Variants in DOCK8 observed in about 807,000 individuals in gnomAD.
DOCK8 encodes dedicator of cytokinesis protein 8.
In DOCK8, 141 loss-of-function variants were observed where a neutral mutation model predicts 245.6. The ratio of observed to expected loss-of-function variants is 0.57; its 90% CI spans 0.50 to 0.66. The LOEUF (loss-of-function observed/expected upper bound fraction) is 0.66. Ranked by LOEUF, DOCK8 falls within the 30% of genes least tolerant of loss-of-function variation. The probability of loss-of-function intolerance (pLI) is 0.00; values close to 1 mark genes in which losing one functional copy is unlikely to be tolerated. For synonymous variants in DOCK8, 1,168 were observed against 970.2 expected (o/e 1.20, Z -3.79); for missense variants, 2,965 against 2,603.4 (o/e 1.14, Z -3.02).
At chr9:387,422 G>A (rs1193107775) in intron 23 of DOCK8, among the ~76,000 whole-genome samples, 9 of 144,064 alleles carry the variant, frequency 6.2e-5, no homozygotes, top group East Asian at 2.0e-4. Context: ...CAGCCTGGGC[G>A]ACAGAATGAG....
chr9:428,299 A>G (rs1442123881), intron 34 of DOCK8, 63 bp from the exon 35 acceptor site: 13 of 1,612,340 alleles, frequency 8.1e-6, no homozygotes, highest in East Asian at 4.5e-5. Flanking sequence ...GCTAATTGTC[A>G]GGAACATCCA....
intron 43 of DOCK8, among the ~76,000 whole-genome samples, chr9:445,656 G>A (rs10974493): frequency 0.094 from 14,376 of 152,152 alleles, 914 homozygotes; most frequent in African/African-American, 0.18. Context: ...CTTCCTTTCC[G>A]TTGCTGAGTA....
chr9:448,866 A>C (rs986061484), intron 44 of DOCK8, among the ~76,000 whole-genome samples: 26 of 152,364 alleles, frequency 1.7e-4, no homozygotes, highest in South Asian at 1.4e-3. Flanking sequence ...TTCAACCTAT[A>C]AAATTCAGAA....
At chr9:214,717 T>G, upstream of DOCK8, 1 of 1,544,602 alleles carries the variant, frequency 6.5e-7, no homozygotes, top group Non-Finnish European at 8.7e-7. Flanking sequence ...GGAGGCCAGT[T>G]CCGCGCTGGG....
At position 446,559 on chromosome 9, in the gene DOCK8, G is replaced by A. The variant is rs1180611538; in HGVS notation, c.5770G>A (p.Ala1924Thr). The change falls in exon 44 of 48, where the codon GCC becomes ACC. Residue 1924 changes from alanine (A) to threonine (T), a missense_variant. Physicochemically the swap from Ala to Thr is moderately conservative, Grantham distance 58. Transcript: ENST00000432829. The stretch of plus-strand genomic sequence containing the variant: ...GAACACAGTCCTGACCACTATGCAC[G>A]CCTTCCCCTACATCAAGACCAGGAT... Reference protein sequence around the residue: ...RRNTVLTTMHAFPYIKTRISV... With the variant: ...RRNTVLTTMHTFPYIKTRISV... The A allele has an allele frequency of 2.2e-5, 35 of 1,614,082 alleles. No homozygotes were observed. Among genetic ancestry groups the A allele is most frequent in the Non-Finnish European group, 2.5e-5 (29 of 1,180,032 alleles).
chr9:409,505 T>A (rs2055609094), intron 28 of DOCK8, among the ~76,000 whole-genome samples: 1 of 152,210 alleles, frequency 6.6e-6, no homozygotes, highest in South Asian at 2.1e-4. Flanking sequence ...CTATATAACG[T>A]TGAATTCTGA....
At chr9:337,686 A>G (rs2051376979) in intron 12 of DOCK8, among the ~76,000 whole-genome samples, 1 of 152,198 alleles carries the variant, frequency 6.6e-6, no homozygotes, top group African/African-American at 2.4e-5. Flanking sequence ...AGACTTGTCA[A>G]CGGTATAGAG....
intron 1 of DOCK8, among the ~76,000 whole-genome samples, chr9:253,872 C>T (rs753925842): frequency 1.3e-5 from 2 of 152,140 alleles, no homozygotes; most frequent in Non-Finnish European, 2.9e-5. Flanking sequence ...CATGTGAAAA[C>T]CCCCAGGGAT....
chr9:284,329 C>G (rs927574831), intron 2 of DOCK8: 1 of 152,296 alleles, frequency 6.6e-6, no homozygotes, highest in Non-Finnish European at 1.5e-5. Flanking sequence ...ACAGGCTGAT[C>G]TCTGGCTCCT....
intron 41 of DOCK8, 85 bp from the exon 42 acceptor site, chr9:441,790 A>G: frequency 6.4e-7 from 1 of 1,563,512 alleles, no homozygotes; most frequent in Non-Finnish European, 8.8e-7. Context: ...CTTTGTTAAC[A>G]CAATGAGAGA....
chr9:454,124 T>TA (rs1467504837), intron 46 of DOCK8, among the ~76,000 whole-genome samples: 1 of 152,170 alleles, frequency 6.6e-6, no homozygotes, highest in African/African-American at 2.4e-5. Flanking sequence ...TGGGAGGCGT[T>TA]ATGGAAAAAC....
At chr9:247,478 A>C (rs1248747814) in intron 1 of DOCK8, among the ~76,000 whole-genome samples, 1 of 152,162 alleles carries the variant, frequency 6.6e-6, no homozygotes, top group African/African-American at 2.4e-5. Flanking sequence ...AAATAATGCC[A>C]AGTACACTTA....
At chr9:315,876 T>C (rs935322149) in intron 6 of DOCK8, among the ~76,000 whole-genome samples, 1 of 152,226 alleles carries the variant, frequency 6.6e-6, no homozygotes. Flanking sequence ...TACCTTCAGG[T>C]TGTTTTCCAG....
At chr9:305,414 C>A (rs369568781) in intron 5 of DOCK8, among the ~76,000 whole-genome samples, 4,320 of 149,428 alleles carry the variant, frequency 0.029, 110 homozygotes, top group South Asian at 0.058. Flanking sequence ...TCCCAGGTAG[C>A]TGGGACTACA....
At chr9:453,926 C>T (rs1356489002) in intron 46 of DOCK8, among the ~76,000 whole-genome samples, 2 of 152,186 alleles carry the variant, frequency 1.3e-5, no homozygotes, top group African/African-American at 4.8e-5. Flanking sequence ...AGAGCACTCA[C>T]TATATTCCAG....
At chr9:383,962 G>C (rs577731401) in intron 22 of DOCK8, among the ~76,000 whole-genome samples, 2 of 152,014 alleles carry the variant, frequency 1.3e-5, no homozygotes, top group South Asian at 4.1e-4. Context: ...AATATTCATG[G>C]AATATTATTC....
intron 1 of DOCK8, among the ~76,000 whole-genome samples, chr9:229,378 T>G (rs2047056935): frequency 6.6e-6 from 1 of 152,170 alleles, no homozygotes; most frequent in Non-Finnish European, 1.5e-5. Context: ...TGAAGACAAC[T>G]ATATGTCTGG....
intron 28 of DOCK8, among the ~76,000 whole-genome samples, chr9:410,229 A>AAT (rs2055657996): frequency 6.6e-6 from 1 of 152,202 alleles, no homozygotes; most frequent in Non-Finnish European, 1.5e-5. Context: ...TCAGATAAAA[A>AAT]ATATAATATT....
chr9:286,253 C>A (rs766918210), intron 2 of DOCK8, among the ~76,000 whole-genome samples: 22 of 152,272 alleles, frequency 1.4e-4, no homozygotes, highest in African/African-American at 5.1e-4. Flanking sequence ...AATTACTCAT[C>A]ATGTTATGAC....
Sources: gnomAD v4.1 joint callset for allele counts (sites outside exome capture counted in the v4.1 genomes callset) on GRCh38, gnomAD v4.1.1 for gene constraint, MANE v1.5 for transcripts, NCBI Gene and HGNC (gene_info 2026-07-23, HGNC 2026-07-21) for gene names.